GTF2H1: variants seen among roughly 807,000 people sequenced by gnomAD.
The protein encoded by GTF2H1 is general transcription factor IIH subunit 1, also known as BTF2 p62.
GTF2H1 carries 16 observed loss-of-function variants against 71.2 expected under a neutral mutation model. The ratio of observed to expected loss-of-function variants is 0.22; its 90% CI spans 0.15 to 0.34. The LOEUF is 0.34. Ranked by LOEUF, GTF2H1 falls within the 10% of genes least tolerant of loss-of-function variation. The pLI is 1.00. For missense variants in GTF2H1, 498 were observed against 648.2 expected, an observed-to-expected ratio of 0.77 and a Z score of 2.52; for synonymous variants, 215 against 219.0, an observed-to-expected ratio of 0.98 and a Z score of 0.16.
chr11:18,345,796 G>GTCT (rs75644482), intron 7 of GTF2H1, among the ~76,000 whole-genome samples: 1 of 125,216 alleles, frequency 8.0e-6, no homozygotes, highest in Non-Finnish European at 1.6e-5. Flanking sequence ...GCACATATGA[G>GTCT]TTTTTTTTTT....
chr11:18,354,861 T>C (rs1347679747), intron 11 of GTF2H1, among the ~76,000 whole-genome samples: 1 of 152,136 alleles, frequency 6.6e-6, no homozygotes, highest in African/African-American at 2.4e-5. Context: ...CAGGCTGAAG[T>C]GCAGTGGCAT....
intron 1 of GTF2H1, among the ~76,000 whole-genome samples, chr11:18,328,041 A>G (rs1864806252): frequency 6.6e-6 from 1 of 151,800 alleles, no homozygotes; most frequent in Non-Finnish European, 1.5e-5. Flanking sequence ...ATCTCTACTA[A>G]ACATACAAAA....
intron 13 of GTF2H1, among the ~76,000 whole-genome samples, chr11:18,360,222 A>G (rs1244326299): frequency 8.3e-6 from 1 of 120,008 alleles, no homozygotes; most frequent in Non-Finnish European, 2.1e-5. Context: ...TCCTGGGTTC[A>G]ACCAATTTTC....
At chr11:18,339,888 A>T (rs1865117264) in intron 5 of GTF2H1, among the ~76,000 whole-genome samples, 1 of 152,190 alleles carries the variant, frequency 6.6e-6, no homozygotes, top group Non-Finnish European at 1.5e-5. Context: ...AACTCAGATC[A>T]TTCTTCATTC....
intron 1 of GTF2H1, among the ~76,000 whole-genome samples, chr11:18,331,047 GTTTGTTTTGT>G (rs1349506704): frequency 6.6e-6 from 1 of 152,062 alleles, no homozygotes; most frequent in East Asian, 1.9e-4. Context: ...TAATCCAGTG[GTTTGTTTTGT>G]TTTGTTTTGA....
chr11:18,341,919 C>G (rs190701941), intron 7 of GTF2H1: 74 of 192,976 alleles, frequency 3.8e-4, no homozygotes, highest in Non-Finnish European at 6.2e-4. Context: ...AACATTTAAT[C>G]TAAAGAAATA....
At chr11:18,332,963 T>C (rs1450418440) in intron 1 of GTF2H1, 97 bp from the exon 2 acceptor site, 4 of 747,834 alleles carry the variant, frequency 5.3e-6, no homozygotes, top group Non-Finnish European at 8.1e-6. Flanking sequence ...TCCTACAGTT[T>C]AGATTTTATA....
chr11:18,352,542 T>C, intron 11 of GTF2H1, 96 bp downstream of exon 11: 1 of 606,854 alleles, frequency 1.6e-6, no homozygotes, highest in South Asian at 2.3e-5. Context: ...AATATTTTAA[T>C]TGGGCTTAAA....
chr11:18,324,074 G>T (rs1300530117), intron 1 of GTF2H1, among the ~76,000 whole-genome samples: 1 of 151,062 alleles, frequency 6.6e-6, no homozygotes, highest in East Asian at 1.9e-4. Flanking sequence ...TTTTGAGACG[G>T]AGTTTTGCTC....
chr11:18,360,802 A>G, intron 14 of GTF2H1, 95 bp downstream of exon 14: 1 of 657,382 alleles, frequency 1.5e-6, no homozygotes, highest in Non-Finnish European at 2.6e-6. Flanking sequence ...TAGATACTTA[A>G]TTTTCTTTTT....
intron 2 of GTF2H1, among the ~76,000 whole-genome samples, chr11:18,335,260 G>A (rs1864998151): frequency 6.6e-6 from 1 of 152,158 alleles, no homozygotes; most frequent in Non-Finnish European, 1.5e-5. Flanking sequence ...TTTTAATGAG[G>A]CTAAGTTTGA....
chr11:18,346,383 A>G (rs1865293539), intron 7 of GTF2H1, among the ~76,000 whole-genome samples: 1 of 152,038 alleles, frequency 6.6e-6, no homozygotes, highest in South Asian at 2.1e-4. Context: ...ATTGTCTCCG[A>G]TCTACTTGGC....
At chr11:18,342,878 T>C (rs1865193974) in intron 7 of GTF2H1, among the ~76,000 whole-genome samples, 1 of 152,188 alleles carries the variant, frequency 6.6e-6, no homozygotes, top group South Asian at 2.1e-4. Flanking sequence ...TAGATTCTGA[T>C]ATCTTCTAAC....
Position 18,365,877 on chromosome 11 carries a change from A to G in GTF2H1, c.*8A>G, listed in dbSNP as rs1865814013. On this transcript the variant is annotated 3_prime_UTR_variant, in exon 15 of 15. Coordinates refer to ENST00000265963, the MANE Select transcript of GTF2H1 (RefSeq NM_005316.4). ...CTGATGAAGAAAACGTGAGGTGGCC[A>G]TGATGCTTACAGGTTTTGTGAGATT... The G allele has an allele frequency of 1.9e-6, 3 of 1,601,684 alleles. No homozygotes were observed. Among genetic ancestry groups the G allele is most frequent in the Non-Finnish European group, 1.7e-6 (2 of 1,168,862 alleles).
intron 14 of GTF2H1, among the ~76,000 whole-genome samples, chr11:18,361,949 T>C (rs1051747179): frequency 3.3e-5 from 5 of 152,314 alleles, no homozygotes; most frequent in Admixed American, 1.3e-4. Flanking sequence ...CATCAGATCA[T>C]TTGTATGTGC....
intron 7 of GTF2H1, chr11:18,342,100 T>TA (rs1392606662): frequency 6.5e-6 from 1 of 152,816 alleles, no homozygotes; most frequent in Non-Finnish European, 1.5e-5. Context: ...CCTACAGATT[T>TA]ATCTACTTGC....
intron 4 of GTF2H1, among the ~76,000 whole-genome samples, chr11:18,339,153 G>T (rs941670607): frequency 1.3e-5 from 2 of 152,068 alleles, no homozygotes; most frequent in African/African-American, 4.8e-5. Flanking sequence ...TTGTATGTTT[G>T]GTATCTTTTT....
intron 14 of GTF2H1, among the ~76,000 whole-genome samples, chr11:18,364,928 C>G (rs1865783080): frequency 6.6e-6 from 1 of 152,054 alleles, no homozygotes; most frequent in Admixed American, 6.6e-5. Context: ...TTCCAGTGTT[C>G]TGCCAAGATG....
intron 1 of GTF2H1, among the ~76,000 whole-genome samples, chr11:18,323,427 G>A (rs553299432): frequency 6.6e-6 from 1 of 151,998 alleles, no homozygotes; most frequent in East Asian, 1.9e-4. Flanking sequence ...CTCCCAAAGC[G>A]CCAGAATTAT....
Sources: gnomAD v4.1 joint callset for allele counts (sites outside exome capture counted in the v4.1 genomes callset) on GRCh38, gnomAD v4.1.1 for gene constraint, MANE v1.5 for transcripts, NCBI Gene and HGNC (gene_info 2026-07-23, HGNC 2026-07-21) for gene names.